Variants in AQP7B observed in about 807,000 individuals in gnomAD.
The protein encoded by AQP7B is aquaporin 7B, also known as putative aquaporin-7B.
chr2:94,598,917 C>G, the AQP7B span, among the ~76,000 whole-genome samples: 4 of 152,188 alleles, frequency 2.6e-5, no homozygotes, highest in Non-Finnish European at 4.4e-5. Flanking sequence ...ATTCTCCTGC[C>G]TCAGCCTCCC....
At chr2:94,599,938 G>A in the AQP7B span, among the ~76,000 whole-genome samples, 2 of 151,594 alleles carry the variant, frequency 1.3e-5, no homozygotes, top group Non-Finnish European at 2.9e-5. Flanking sequence ...GAGTGCAGTG[G>A]CGTGATCTCG....
chr2:94,597,598 T>C, the AQP7B span, among the ~76,000 whole-genome samples: 1 of 151,490 alleles, frequency 6.6e-6, no homozygotes, highest in Non-Finnish European at 1.5e-5. Flanking sequence ...CAGTCTAATA[T>C]CACAGTCTTT....
the AQP7B span, chr2:94,603,046 T>G: frequency 1.3e-6 from 2 of 1,597,474 alleles, no homozygotes; most frequent in East Asian, 4.5e-5. Flanking sequence ...GGAGCCCACA[T>G]GAATGCAGCT....
At chr2:94,600,126 TC>T in the AQP7B span, among the ~76,000 whole-genome samples, 1 of 152,024 alleles carries the variant, frequency 6.6e-6, no homozygotes, top group Non-Finnish European at 1.5e-5. Flanking sequence ...CACCTCGGCC[TC>T]CCAAAGTGCT....
chr2:94,596,128 C>T, the AQP7B span, among the ~76,000 whole-genome samples: 7 of 152,182 alleles, frequency 4.6e-5, no homozygotes, highest in East Asian at 1.9e-4. Context: ...GCATGGGCAG[C>T]GGCAGATGGG....
the AQP7B span, chr2:94,602,503 T>G: frequency 5.6e-6 from 9 of 1,605,310 alleles, 1 homozygote; most frequent in South Asian, 9.9e-5. Context: ...TATTCGGCCT[T>G]GGTTCTGTGG....
the AQP7B span, among the ~76,000 whole-genome samples, chr2:94,598,949 T>A: frequency 6.6e-6 from 1 of 152,104 alleles, no homozygotes; most frequent in Non-Finnish European, 1.5e-5. Context: ...ATTACAGGCA[T>A]GTGCCACCAC....
chr2:94,604,156 G>A, the AQP7B span: 5 of 933,810 alleles, frequency 5.4e-6, no homozygotes, highest in African/African-American at 1.7e-5. Context: ...GCTGACCAGG[G>A]CCCTGGGTTG....
At chr2:94,597,857 G>A in the AQP7B span, among the ~76,000 whole-genome samples, 10 of 152,060 alleles carry the variant, frequency 6.6e-5, no homozygotes, top group Admixed American at 2.0e-4. Context: ...CTCCCACCTC[G>A]GCCTCCCAAA....
the AQP7B span, among the ~76,000 whole-genome samples, chr2:94,599,513 G>A: frequency 6.6e-6 from 1 of 151,672 alleles, no homozygotes; most frequent in African/African-American, 2.4e-5. Flanking sequence ...CACTTCATAT[G>A]TTCAGCTCAC....
the AQP7B span, among the ~76,000 whole-genome samples, chr2:94,591,325 C>G: frequency 6.6e-6 from 1 of 152,192 alleles, no homozygotes; most frequent in Non-Finnish European, 1.5e-5. Flanking sequence ...CCACGCTAGT[C>G]ATTCCGCTGC....
At chr2:94,603,214 G>T in the AQP7B span, 57 of 1,446,960 alleles carry the variant, frequency 3.9e-5, no homozygotes, top group Non-Finnish European at 4.8e-5. Context: ...GGCCTCAGCC[G>T]CCTCCTATGA....
the AQP7B span, among the ~76,000 whole-genome samples, chr2:94,597,207 C>A: frequency 3.3e-5 from 5 of 152,142 alleles, no homozygotes; most frequent in Non-Finnish European, 5.9e-5. Context: ...GCAGTTGGAT[C>A]CTGTCCCTCC....
At chr2:94,587,779 G>C in the AQP7B span, among the ~76,000 whole-genome samples, 1 of 152,094 alleles carries the variant, frequency 6.6e-6, no homozygotes, top group African/African-American at 2.4e-5. Context: ...GTGCAGGCAG[G>C]AGACGGGTCA....
chr2:94,592,171 C>T, the AQP7B span, among the ~76,000 whole-genome samples: 1 of 152,106 alleles, frequency 6.6e-6, no homozygotes, highest in Non-Finnish European at 1.5e-5. Flanking sequence ...TCTGTGGTTA[C>T]CTCCAGCATG....
chr2:94,603,097 G>A, the AQP7B span: 1 of 1,583,974 alleles, frequency 6.3e-7, no homozygotes, highest in Non-Finnish European at 8.6e-7. Flanking sequence ...GTGCCCTGGA[G>A]GAAGTTTCCA....
At chr2:94,601,773 G>A in the AQP7B span, among the ~76,000 whole-genome samples, 4 of 152,084 alleles carry the variant, frequency 2.6e-5, no homozygotes, top group South Asian at 2.1e-4. Context: ...GAAGGTATGG[G>A]GGAGACGGAG....
the AQP7B span, chr2:94,602,714 T>G: frequency 7.2e-6 from 9 of 1,256,070 alleles, no homozygotes; most frequent in Middle Eastern, 5.6e-4. Context: ...GCACAGCCAG[T>G]GCCTCAGCCT....
the AQP7B span, chr2:94,604,341 C>G: frequency 3.1e-6 from 5 of 1,611,132 alleles, no homozygotes; most frequent in South Asian, 4.4e-5. Flanking sequence ...CTGGGTGCCT[C>G]TCTAGGTGGC....
Sources: allele counts gnomAD v4.1 joint callset (sites outside exome capture counted in the v4.1 genomes callset), GRCh38; gene constraint gnomAD v4.1.1; transcripts MANE v1.5; gene names NCBI Gene and HGNC (gene_info 2026-07-23, HGNC 2026-07-21).